TRPC5: variants seen among roughly 807,000 people sequenced by gnomAD.
The protein encoded by TRPC5 is transient receptor potential cation channel subfamily C member 5.
In TRPC5, 9 loss-of-function variants were observed where a neutral mutation model predicts 56.5. The ratio of observed to expected loss-of-function variants is 0.16; its 90% CI spans 0.10 to 0.28. The LOEUF is 0.28. Ranked by LOEUF, TRPC5 falls within the 10% of genes least tolerant of loss-of-function variation. The pLI, the probability that TRPC5 is intolerant of heterozygous loss-of-function variation, is 1.00. For missense variants in TRPC5, 469 were observed against 748.9 expected (o/e 0.63, Z 4.36); for synonymous variants, 282 against 278.5 (o/e 1.01, Z -0.13).
At chrX:111,974,487 CACTT>C (rs1927867356) in intron 1 of TRPC5, among the ~76,000 whole-genome samples, 1 of 112,002 alleles carries the variant, frequency 8.9e-6, no homozygotes, top group East Asian at 2.8e-4. Flanking sequence ...ATTAACCAAA[CACTT>C]GCAACAATCT....
chrX:111,979,236 T>C (rs747245092), intron 1 of TRPC5, among the ~76,000 whole-genome samples: 1 of 111,533 alleles, frequency 9.0e-6, no homozygotes, highest in African/African-American at 3.2e-5. Flanking sequence ...AGGGTCTTTT[T>C]CAACAAAAGG....
chrX:111,989,879 T>G (rs1160158578), intron 1 of TRPC5, among the ~76,000 whole-genome samples: 1 of 111,669 alleles, frequency 9.0e-6, no homozygotes, highest in African/African-American at 3.3e-5. Context: ...TTTTCACATA[T>G]GTAGAAGTAT....
chrX:111,867,448 C>T (rs1481718395), intron 3 of TRPC5, among the ~76,000 whole-genome samples: 1 of 110,472 alleles, frequency 9.1e-6, no homozygotes, highest in Non-Finnish European at 1.9e-5. Context: ...AAATCACTTC[C>T]TTCTGGAAGC....
intron 1 of TRPC5, among the ~76,000 whole-genome samples, chrX:112,021,372 G>C (rs1929268147): frequency 9.0e-6 from 1 of 111,485 alleles, no homozygotes; most frequent in Non-Finnish European, 1.9e-5. Flanking sequence ...GATTAGTATA[G>C]GTGCTTCCAT....
chrX:111,989,662 T>C (rs1361363238), intron 1 of TRPC5, among the ~76,000 whole-genome samples: 1 of 112,013 alleles, frequency 8.9e-6, no homozygotes, highest in East Asian at 2.8e-4. Context: ...GCAACTTCTC[T>C]ATGCAGTTCT....
At chrX:111,890,281 C>A (rs1473143565) in intron 3 of TRPC5, among the ~76,000 whole-genome samples, 1 of 111,732 alleles carries the variant, frequency 8.9e-6, no homozygotes, top group East Asian at 2.8e-4. Context: ...TGAATACGGC[C>A]CAACACAAAT....
Position 111,907,112 on chromosome X carries a change from GAAA to G in TRPC5, c.900+5176_900+5178del, listed in dbSNP as rs746535996. On this transcript the variant is annotated intron_variant, in intron 3 of 10. Coordinates refer to ENST00000262839, the MANE Select transcript of TRPC5 (RefSeq NM_012471.3). ...CTTCTTTCGGGTATGAAGGTCATTTGAAAAAAAAAAAAAAAAGAAAATGTCCTT... is the reference window on the plus strand; with the variant it reads ...CTTCTTTCGGGTATGAAGGTCATTTGAAAAAAAAAAAAAGAAAATGTCCTT... 4.3e-5 allele frequency among the ~76,000 whole-genome samples: 3 copies of G among 70,467 alleles called. No homozygotes were observed. The East Asian group carries it at 1.4e-3, about 32-fold the overall frequency. The allele number at this position is 70,467 out of a possible 115,157, so 61.2% of individuals were successfully genotyped here.
chrX:112,024,556 C>G (rs975134958), intron 1 of TRPC5, among the ~76,000 whole-genome samples: 2 of 111,354 alleles, frequency 1.8e-5, no homozygotes, highest in Admixed American at 1.9e-4. Flanking sequence ...TAGAACTATA[C>G]CATCAGCTTT....
intron 3 of TRPC5, among the ~76,000 whole-genome samples, chrX:111,879,132 CT>C (rs1924086246): frequency 1.8e-5 from 2 of 112,085 alleles, no homozygotes; most frequent in African/African-American, 3.2e-5. Flanking sequence ...AATACTTATT[CT>C]TTTCAAAGCA....
chrX:112,045,300 C>A (rs1300759698), intron 1 of TRPC5, among the ~76,000 whole-genome samples: 1 of 111,387 alleles, frequency 9.0e-6, no homozygotes, highest in African/African-American at 3.3e-5. Flanking sequence ...GCTTTGGAGA[C>A]AGAAATGGGA....
At chrX:112,049,474 T>C (rs1372634625) in intron 1 of TRPC5, among the ~76,000 whole-genome samples, 3 of 106,575 alleles carry the variant, frequency 2.8e-5, no homozygotes, top group Non-Finnish European at 5.8e-5. Flanking sequence ...CTATACAAAA[T>C]ATGTAATTAA....
intron 1 of TRPC5, among the ~76,000 whole-genome samples, chrX:112,058,191 C>T: frequency 8.9e-6 from 1 of 111,909 alleles, no homozygotes; most frequent in Non-Finnish European, 1.9e-5. Flanking sequence ...TAACTTGGAG[C>T]TCGTCACCTA....
At chrX:111,864,747 G>A (rs1188704184) in intron 3 of TRPC5, among the ~76,000 whole-genome samples, 3 of 111,981 alleles carry the variant, frequency 2.7e-5, no homozygotes, top group Non-Finnish European at 5.6e-5. Flanking sequence ...TCCTCTGATC[G>A]TTGTAAACTT....
intron 7 of TRPC5, among the ~76,000 whole-genome samples, chrX:111,805,138 C>T (rs902874081): frequency 5.4e-5 from 6 of 111,786 alleles, no homozygotes; most frequent in East Asian, 2.8e-4. Context: ...GTTCTGATTA[C>T]GTGATGGATT....
Position 111,788,851 on chromosome X carries a change from T to G in TRPC5, c.1897-6713A>C, listed in dbSNP as rs769700799. Among the ~76,000 whole-genome samples, 284 of 111,588 alleles carry G rather than the reference T, an allele frequency of 2.5e-3. 2 individuals are homozygous for G. Among genetic ancestry groups the G allele is most frequent in the African/African-American group, 8.9e-3 (273 of 30,684 alleles). ...AGAATAAAATACCTAGGAATTCAAC[T>G]TACAAGGGATGTGAAGGACCTCTTC... On this transcript the variant is annotated intron_variant, in intron 7 of 10. Coordinates refer to ENST00000262839, the MANE Select transcript of TRPC5 (RefSeq NM_012471.3).
intron 1 of TRPC5, among the ~76,000 whole-genome samples, chrX:111,975,199 G>T (rs1927886836): frequency 9.0e-6 from 1 of 111,035 alleles, no homozygotes; most frequent in South Asian, 3.8e-4. Flanking sequence ...AGAATTATTA[G>T]TTCAAGGCAT....
intron 1 of TRPC5, among the ~76,000 whole-genome samples, chrX:111,983,739 A>T (rs1240081266): frequency 9.0e-6 from 1 of 111,001 alleles, no homozygotes; most frequent in Non-Finnish European, 1.9e-5. Flanking sequence ...TCCTAAAATG[A>T]ACTGTAATGT....
At chrX:111,968,208 A>G (rs1164610460) in intron 1 of TRPC5, among the ~76,000 whole-genome samples, 1 of 112,107 alleles carries the variant, frequency 8.9e-6, no homozygotes, top group Non-Finnish European at 1.9e-5. Flanking sequence ...TATGCAGCCA[A>G]AAAACACATG....
At chrX:111,807,956 C>CTCTCTGTGTGTGTGTGTG (rs905386723) in intron 7 of TRPC5, among the ~76,000 whole-genome samples, 1 of 91,927 alleles carries the variant, frequency 1.1e-5, no homozygotes, top group African/African-American at 5.0e-5. Context: ...CTCTCTCTCT[C>CTCTCTGTGTGTGTGTGTG]TGTGTGTGTG....
Sources: allele counts gnomAD v4.1 joint callset (sites outside exome capture counted in the v4.1 genomes callset), GRCh38; gene constraint gnomAD v4.1.1; transcripts MANE v1.5; gene names NCBI Gene and HGNC (gene_info 2026-07-23, HGNC 2026-07-21).